The following CPNE4 variants were observed in gnomAD, a reference collection of about 807,000 sequenced individuals.
The protein encoded by CPNE4 is copine 4, also known as copine-4.
A neutral mutation model predicts 67.9 loss-of-function variants in CPNE4; 25 were observed. The observed-to-expected ratio is 0.37, with a 90% CI of 0.27 to 0.51. The LOEUF is 0.51. Among genes scored for constraint, CPNE4 ranks in the 20% least tolerant of loss-of-function variants. The probability of loss-of-function intolerance (pLI) is 0.93; values close to 1 mark genes in which losing one functional copy is unlikely to be tolerated. For missense variants in CPNE4, 464 were observed against 690.8 expected (o/e 0.67, Z 3.68); for synonymous variants, 242 against 244.9 (o/e 0.99, Z 0.11).
intron 2 of CPNE4, among the ~76,000 whole-genome samples, chr3:131,862,431 T>C (rs12629060): frequency 0.076 from 11,606 of 152,182 alleles, 572 homozygotes; most frequent in East Asian, 0.17. Context: ...TCTTCTATTT[T>C]CAAAATATCC....
intron 6 of CPNE4, among the ~76,000 whole-genome samples, chr3:131,672,051 C>A (rs2080431892): frequency 6.6e-6 from 1 of 152,036 alleles, no homozygotes; most frequent in African/African-American, 2.4e-5. Flanking sequence ...ATTTAGCTCC[C>A]ACAAATAAGT....
chr3:131,609,672 T>C (rs1939715886), intron 7 of CPNE4, among the ~76,000 whole-genome samples: 2 of 152,158 alleles, frequency 1.3e-5, no homozygotes. Context: ...AAGGGAATAA[T>C]GAAAGATTAA....
chr3:131,660,642 A>G (rs1582977381), intron 7 of CPNE4, among the ~76,000 whole-genome samples: 1 of 152,152 alleles, frequency 6.6e-6, no homozygotes, highest in Non-Finnish European at 1.5e-5. Flanking sequence ...TAAAGACTTG[A>G]TCCTTCCAAT....
rs149273763 is a variant in CPNE4 at position 131,774,073 on chromosome 3, G to A, written c.181-50448C>T. ...TTTCATTAAGGAAACTGAGGCTTAG[G>A]ATTATTAGACACTTGATTGCCTGTT... On this transcript the variant is annotated intron_variant, in intron 2 of 15. Coordinates refer to ENST00000429747, the MANE Select transcript of CPNE4 (RefSeq NM_130808.3). 1.8e-4 allele frequency among the ~76,000 whole-genome samples: 27 copies of A among 152,178 alleles called. No individual in the cohort carries two copies. The East Asian group carries it at 5.2e-3, about 29-fold the overall frequency.
intron 1 of CPNE4, among the ~76,000 whole-genome samples, chr3:132,029,632 G>T (rs2074195626): frequency 6.6e-6 from 1 of 152,160 alleles, no homozygotes; most frequent in African/African-American, 2.4e-5. Flanking sequence ...ATAAGAAAGA[G>T]GTCTTCTGGT....
chr3:131,783,654 G>A (rs535741135), intron 2 of CPNE4, among the ~76,000 whole-genome samples: 6 of 152,098 alleles, frequency 3.9e-5, no homozygotes, highest in Admixed American at 1.3e-4. Context: ...AAGTTCACTG[G>A]GGTATATTGA....
At chr3:131,656,053 C>CT (rs11360041) in intron 7 of CPNE4, among the ~76,000 whole-genome samples, 14,892 of 131,648 alleles carry the variant, frequency 0.11, 1,446 homozygotes, top group East Asian at 0.49. Flanking sequence ...AATACTGTTT[C>CT]TTTTTTTTTT....
At chr3:131,584,183 C>A (rs57513154) in intron 8 of CPNE4, among the ~76,000 whole-genome samples, 6,776 of 152,136 alleles carry the variant, frequency 0.045, 493 homozygotes, top group African/African-American at 0.15. Flanking sequence ...CCTCAGGGTT[C>A]GAGCCTCCTG....
intron 15 of CPNE4, among the ~76,000 whole-genome samples, chr3:131,540,305 A>G (rs548087453): frequency 6.6e-6 from 1 of 152,290 alleles, no homozygotes; most frequent in East Asian, 1.9e-4. Flanking sequence ...TATGAACAAT[A>G]CCTCATCATC....
At chr3:131,961,863 C>T (rs1332436339) in intron 1 of CPNE4, among the ~76,000 whole-genome samples, 1 of 152,158 alleles carries the variant, frequency 6.6e-6, no homozygotes, top group Admixed American at 6.5e-5. Flanking sequence ...ATCTCTCTCC[C>T]TTCTCCCTTT....
At chr3:131,621,403 C>T (rs1340374819) in intron 7 of CPNE4, among the ~76,000 whole-genome samples, 2 of 152,076 alleles carry the variant, frequency 1.3e-5, no homozygotes, top group Non-Finnish European at 2.9e-5. Flanking sequence ...CACCACCACA[C>T]CTGGCTAATT....
Position 131,761,255 on chromosome 3 carries a change from C to G in CPNE4, c.181-37630G>C, listed in dbSNP as rs146846903. On this transcript the variant is annotated intron_variant, in intron 2 of 15. Coordinates refer to ENST00000429747, the MANE Select transcript of CPNE4 (RefSeq NM_130808.3). The stretch of plus-strand genomic sequence containing the variant: ...TTTAGAGAAAGGGTCTGGCTCTGTC[C>G]CCTGAGCTTGAGTATAGTGGCATAA... 4.7e-3 allele frequency among the ~76,000 whole-genome samples: 689 copies of G among 146,112 alleles called. 6 individuals are homozygous for G. The highest frequency in any genetic ancestry group is 0.016 in the African/African-American group (652 of 39,758).
intron 1 of CPNE4, among the ~76,000 whole-genome samples, chr3:132,029,077 G>A (rs898786449): frequency 1.3e-5 from 2 of 151,836 alleles, no homozygotes; most frequent in African/African-American, 2.4e-5. Flanking sequence ...CCTAATACTC[G>A]GGTTAAGTGA....
chr3:131,689,750 CA>C (rs1174404060), intron 5 of CPNE4, among the ~76,000 whole-genome samples: 2 of 152,104 alleles, frequency 1.3e-5, no homozygotes, highest in Non-Finnish European at 2.9e-5. Flanking sequence ...AAAAGGCATC[CA>C]AATAGGAAAA....
At chr3:131,820,016 T>C (rs1467713411) in intron 2 of CPNE4, among the ~76,000 whole-genome samples, 1 of 152,224 alleles carries the variant, frequency 6.6e-6, no homozygotes, top group Non-Finnish European at 1.5e-5. Flanking sequence ...ACTTCATGTG[T>C]TTCCTTAGAC....
chr3:131,684,310 C>G (rs374652378), intron 6 of CPNE4, among the ~76,000 whole-genome samples: 5 of 152,298 alleles, frequency 3.3e-5, no homozygotes, highest in African/African-American at 1.2e-4. Flanking sequence ...TGAAAGACCT[C>G]TTTTGGTGGT....
intron 1 of CPNE4, among the ~76,000 whole-genome samples, chr3:131,976,052 TA>T (rs1423132729): frequency 5.4e-5 from 8 of 149,056 alleles, no homozygotes. Context: ...GGACTTTTTT[TA>T]AAACTTAATA....
At chr3:131,875,289 C>T (rs570304775) in intron 2 of CPNE4, among the ~76,000 whole-genome samples, 1 of 152,118 alleles carries the variant, frequency 6.6e-6, no homozygotes, top group East Asian at 1.9e-4. Flanking sequence ...GGATCTAGAA[C>T]TAGAAATTCC....
chr3:131,774,857 A>G (rs2083256686), intron 2 of CPNE4, among the ~76,000 whole-genome samples: 1 of 152,168 alleles, frequency 6.6e-6, no homozygotes, highest in Non-Finnish European at 1.5e-5. Flanking sequence ...CACACTATGT[A>G]GCCTCTTTGA....
Sources: allele counts gnomAD v4.1 joint callset (sites outside exome capture counted in the v4.1 genomes callset), GRCh38; gene constraint gnomAD v4.1.1; transcripts MANE v1.5; gene names NCBI Gene and HGNC (gene_info 2026-07-23, HGNC 2026-07-21).